Variants in LRP1B observed in about 807,000 individuals in gnomAD.
The protein encoded by LRP1B is low-density lipoprotein receptor-related protein 1B.
In LRP1B, 217 loss-of-function variants were observed where a neutral mutation model predicts 556.6. That is an observed-to-expected ratio of 0.39 (90% confidence interval 0.35 to 0.44). The LOEUF (loss-of-function observed/expected upper bound fraction) is 0.44. Ranked by LOEUF, LRP1B falls within the 20% of genes least tolerant of loss-of-function variation. The pLI is 1.00. For synonymous variants in LRP1B, 2,047 were observed against 1,865.8 expected, an observed-to-expected ratio of 1.10 and a Z score of -2.50; for missense variants, 5,053 against 5,620.8, an observed-to-expected ratio of 0.90 and a Z score of 3.23.
intron 18 of LRP1B, among the ~76,000 whole-genome samples, chr2:140,956,693 C>T (rs1695882935): frequency 6.6e-6 from 1 of 151,698 alleles, no homozygotes; most frequent in South Asian, 2.1e-4. Context: ...ATCGTTTTGC[C>T]ACTCTTTCCT....
chr2:142,069,360 A>T (rs1453670501), intron 1 of LRP1B, among the ~76,000 whole-genome samples: 1 of 151,590 alleles, frequency 6.6e-6, no homozygotes, highest in Non-Finnish European at 1.5e-5. Flanking sequence ...AATCACTGAT[A>T]ATTAATGTGA....
chr2:140,661,395 C>T (rs926789072), intron 41 of LRP1B, among the ~76,000 whole-genome samples: 2 of 151,508 alleles, frequency 1.3e-5, no homozygotes, highest in African/African-American at 2.4e-5. Context: ...CATGATGGCT[C>T]ATGCCTATAA....
chr2:141,450,543 C>A (rs75555377), intron 3 of LRP1B, among the ~76,000 whole-genome samples: 1 of 150,798 alleles, frequency 6.6e-6, no homozygotes, highest in Non-Finnish European at 1.5e-5. Flanking sequence ...GAGACAGAAT[C>A]CTATTTTTAA....
chr2:140,277,552 A>G (rs1437934331), intron 84 of LRP1B, among the ~76,000 whole-genome samples: 2 of 151,556 alleles, frequency 1.3e-5, no homozygotes, highest in African/African-American at 4.9e-5. Flanking sequence ...GTGACATTGG[A>G]GTCACGTGAC....
chr2:141,659,194 T>C (rs1196864240), intron 2 of LRP1B, among the ~76,000 whole-genome samples: 6 of 152,192 alleles, frequency 3.9e-5, no homozygotes, highest in Non-Finnish European at 7.3e-5. Flanking sequence ...TAAGCCACTG[T>C]ACCAGGCCAT....
At chr2:142,056,303 A>AG (rs1206209801) in intron 1 of LRP1B, among the ~76,000 whole-genome samples, 1 of 26,858 alleles carries the variant, frequency 3.7e-5, no homozygotes, top group East Asian at 1.9e-3. Context: ...ATAGGACTGG[A>AG]AAAAAGATAT....
At chr2:140,451,770 A>AT (rs139067622) in intron 62 of LRP1B, among the ~76,000 whole-genome samples, 25,612 of 151,020 alleles carry the variant, frequency 0.17, 2,422 homozygotes, top group Non-Finnish European at 0.22. Flanking sequence ...AAGGCTCAAC[A>AT]TTTTTTTTTG....
chr2:140,465,086 G>A (rs1214018976), intron 60 of LRP1B, among the ~76,000 whole-genome samples: 1 of 152,098 alleles, frequency 6.6e-6, no homozygotes, highest in Non-Finnish European at 1.5e-5. Context: ...CATGGTGCTG[G>A]CATCATCTGT....
chr2:141,312,760 C>G (rs986392429), intron 3 of LRP1B, among the ~76,000 whole-genome samples: 1 of 151,998 alleles, frequency 6.6e-6, no homozygotes, highest in African/African-American at 2.4e-5. Flanking sequence ...ACAATCTCCA[C>G]TCACTGCAGC....
At chr2:140,642,013 T>A (rs1461531732) in intron 41 of LRP1B, among the ~76,000 whole-genome samples, 1 of 152,126 alleles carries the variant, frequency 6.6e-6, no homozygotes, top group Non-Finnish European at 1.5e-5. Flanking sequence ...GCCAAAATCC[T>A]CACAGATACT....
At chr2:141,470,762 G>C (rs530662965) in intron 3 of LRP1B, among the ~76,000 whole-genome samples, 3 of 152,246 alleles carry the variant, frequency 2.0e-5, no homozygotes, top group East Asian at 3.9e-4. Context: ...CACAGTTGAG[G>C]TCGAGTAGAG....
intron 1 of LRP1B, among the ~76,000 whole-genome samples, chr2:141,956,007 C>A (rs1701238746): frequency 6.6e-6 from 1 of 151,624 alleles, no homozygotes; most frequent in African/African-American, 2.4e-5. Flanking sequence ...AGTTTGAGAG[C>A]AACCTGGGCA....
At chr2:141,365,655 C>CTTTTTTTTTTTTTTGGTT (rs1553503422) in intron 3 of LRP1B, among the ~76,000 whole-genome samples, 2 of 121,136 alleles carry the variant, frequency 1.7e-5, no homozygotes, top group African/African-American at 3.2e-5. Flanking sequence ...GTTTTTGTTG[C>CTTTTTTTTTTTTTTGGTT]TTTTTTTTTT....
At chr2:141,052,873 A>C (rs1210399385) in intron 10 of LRP1B, among the ~76,000 whole-genome samples, 3 of 151,946 alleles carry the variant, frequency 2.0e-5, no homozygotes, top group Admixed American at 2.0e-4. Flanking sequence ...CCTGGGCTCA[A>C]GTGATCCACC....
intron 2 of LRP1B, among the ~76,000 whole-genome samples, chr2:141,692,368 CTA>C (rs1691568103): frequency 6.6e-6 from 1 of 151,956 alleles, no homozygotes; most frequent in South Asian, 2.1e-4. Flanking sequence ...TGTGAATTCC[CTA>C]TGTTTTTGCT....
chr2:141,298,971 AAC>A (rs1686290764), intron 3 of LRP1B, among the ~76,000 whole-genome samples: 2 of 150,798 alleles, frequency 1.3e-5, no homozygotes, highest in Admixed American at 6.6e-5. Flanking sequence ...AAAAAAAAAA[AAC>A]CCACAAAAAC....
chr2:140,821,450 T>C lies in LRP1B; in HGVS notation c.5210-7644A>G, dbSNP rs74821241. 9.4e-4 allele frequency among the ~76,000 whole-genome samples: 143 copies of C among 152,278 alleles called. No individual in the cohort carries two copies. In the East Asian group the frequency reaches 0.027, roughly 29 times the overall value. On this transcript the variant is annotated intron_variant, in intron 31 of 90. Coordinates refer to ENST00000389484, the MANE Select transcript of LRP1B (RefSeq NM_018557.3). ...TAAATGGAATGTGCTTCCTACATAA[T>C]AAAAGTGATTGTGCTGAGTAATAAG...
chr2:141,926,922 T>A (rs1700349273), intron 1 of LRP1B, among the ~76,000 whole-genome samples: 1 of 152,256 alleles, frequency 6.6e-6, no homozygotes, highest in South Asian at 2.1e-4. Flanking sequence ...TGTATGTACA[T>A]ATGATACAAA....
intron 2 of LRP1B, among the ~76,000 whole-genome samples, chr2:141,591,666 A>C (rs1333319980): frequency 6.6e-6 from 1 of 151,974 alleles, no homozygotes; most frequent in African/African-American, 2.4e-5. Context: ...CAATTTGGGC[A>C]GACAGACCTA....
Sources: allele counts gnomAD v4.1 joint callset (sites outside exome capture counted in the v4.1 genomes callset), GRCh38; gene constraint gnomAD v4.1.1; transcripts MANE v1.5; gene names NCBI Gene and HGNC (gene_info 2026-07-23, HGNC 2026-07-21).